The following SDHC variants were observed in gnomAD, a reference collection of about 807,000 sequenced individuals.
SDHC encodes the protein succinate dehydrogenase cytochrome b560 subunit, mitochondrial.
SDHC carries 11 observed loss-of-function variants against 22.6 expected under a neutral mutation model. That is an observed-to-expected ratio of 0.49 (90% confidence interval 0.31 to 0.81). SDHC has a LOEUF of 0.81. Ranked by LOEUF, SDHC falls within the 30% of genes least tolerant of loss-of-function variation. The probability of loss-of-function intolerance (pLI) is 0.05; values close to 1 mark genes in which losing one functional copy is unlikely to be tolerated. For synonymous variants in SDHC, 80 were observed against 77.8 expected, an observed-to-expected ratio of 1.03 and a Z score of -0.15; for missense variants, 160 against 212.0, an observed-to-expected ratio of 0.75 and a Z score of 1.52.
intron 4 of SDHC, among the ~76,000 whole-genome samples, chr1:161,340,865 A>G (rs894438658): frequency 2.0e-5 from 3 of 152,054 alleles, no homozygotes; most frequent in Non-Finnish European, 4.4e-5. Flanking sequence ...TCTTTTTGAG[A>G]CAGAGTCTTG....
At chr1:161,345,399 G>C (rs1220973128) in intron 4 of SDHC, among the ~76,000 whole-genome samples, 1 of 152,042 alleles carries the variant, frequency 6.6e-6, no homozygotes, top group African/African-American at 2.4e-5. Flanking sequence ...TTCCTTCATA[G>C]TTCTTATTGT....
chr1:161,323,622 G>A lies in SDHC; in HGVS notation c.29G>A (p.Gly10Asp). MAALLLRHV[G>D]RHCLRAHFSP... ...ATTCTCTTATCTTGCAGACACGTTGGTCGTCATTGCCTCCGAGCCCACTTT... is the reference window on the plus strand; with the variant it reads ...ATTCTCTTATCTTGCAGACACGTTGATCGTCATTGCCTCCGAGCCCACTTT... Residue 10 changes from glycine (G) to aspartate (D), a missense_variant, in exon 2 of 6, where the codon GGT becomes GAT. Physicochemically the swap from Gly to Asp is moderately conservative, Grantham distance 94 (BLOSUM62 -1). Coordinates refer to ENST00000367975, the MANE Select transcript of SDHC (RefSeq NM_003001.5). 6.2e-7 allele frequency: 1 copy of A among 1,613,478 alleles called. No individual in the cohort carries two copies. Among genetic ancestry groups the A allele is most frequent in the African/African-American group, 1.3e-5 (1 of 75,004 alleles).
rs1056485237 is a variant in SDHC at position 161,336,182 on chromosome 1, G to A, written c.180-4412G>A. On this transcript the variant is annotated intron_variant, in intron 3 of 5. Coordinates refer to ENST00000367975, the MANE Select transcript of SDHC (RefSeq NM_003001.5). ...AAGAGATAAAAGTTTTAGGAGGCCC[G>A]GTGCGGTGGCTCATGCCTGTAATCC... 4.6e-5 allele frequency among the ~76,000 whole-genome samples: 7 copies of A among 152,112 alleles called. No individual in the cohort carries two copies. In the East Asian group the frequency reaches 1.2e-3, roughly 25 times the overall value.
At chr1:161,356,594 A>G in intron 4 of SDHC, 83 bp from the exon 5 acceptor site, 1 of 1,344,330 alleles carries the variant, frequency 7.4e-7, no homozygotes, top group Admixed American at 1.7e-5. Context: ...GAATTGTATG[A>G]GGTGCCAGGG....
intron 1 of SDHC, among the ~76,000 whole-genome samples, chr1:161,316,699 A>C (rs16832811): frequency 0.12 from 17,847 of 152,072 alleles, 1,423 homozygotes; most frequent in African/African-American, 0.22. Flanking sequence ...CTCATAAGGG[A>C]TTTTTTTAGG....
In SDHC at chr1:161,320,898, C is replaced by T. The variant is rs191783011; in HGVS notation, c.21-2716C>T. ...CTGGAGTGCAGTGGCCCAATCCCAG[C>T]TCACTGCAACCTCTGCCTCGCGGGT... On this transcript the variant is annotated intron_variant, in intron 1 of 5. Coordinates refer to ENST00000367975, the MANE Select transcript of SDHC (RefSeq NM_003001.5). 7.6e-5 allele frequency among the ~76,000 whole-genome samples: 11 copies of T among 145,538 alleles called. No individual in the cohort carries two copies. The East Asian group carries it at 2.2e-3, about 29-fold the overall frequency.
chr1:161,346,042 G>T (rs569598723), intron 4 of SDHC, among the ~76,000 whole-genome samples: 3 of 148,130 alleles, frequency 2.0e-5, no homozygotes, highest in Non-Finnish European at 4.5e-5. Context: ...TGACCTCAAG[G>T]AATCTGCCCG....
At chr1:161,335,993 G>A (rs992924069) in intron 3 of SDHC, among the ~76,000 whole-genome samples, 10 of 151,926 alleles carry the variant, frequency 6.6e-5, no homozygotes, top group Non-Finnish European at 1.5e-4. Context: ...CAGTGAGGCT[G>A]GCCATTTTTT....
At chr1:161,331,321 G>A (rs957992888) in intron 3 of SDHC, among the ~76,000 whole-genome samples, 4 of 151,830 alleles carry the variant, frequency 2.6e-5, no homozygotes, top group African/African-American at 4.8e-5. Flanking sequence ...AGGCTGGAGT[G>A]CAGTGGCACG....
rs1222062585 is a variant in SDHC, at chr1:161,320,579, T to C, written c.21-3035T>C. Reference sequence around the variant, plus strand: ...CAAATTTATTTTCAGTGGATGAGTATTTTTGTCACCACTGAGGGTTTTAAA... The same window carrying C: ...CAAATTTATTTTCAGTGGATGAGTACTTTTGTCACCACTGAGGGTTTTAAA... On this transcript the variant is annotated intron_variant, in intron 1 of 5. Transcript: ENST00000367975. Among the ~76,000 whole-genome samples, 3 of 152,122 alleles carry C rather than the reference T, an allele frequency of 2.0e-5. No homozygotes were observed. The South Asian group carries it at 6.2e-4, about 32-fold the overall frequency.
At chr1:161,349,038 G>C (rs1028659151) in intron 4 of SDHC, among the ~76,000 whole-genome samples, 1 of 152,108 alleles carries the variant, frequency 6.6e-6, no homozygotes, top group Non-Finnish European at 1.5e-5. Context: ...TAGGAAGAGA[G>C]AATAAAGATA....
chr1:161,339,616 T>G lies in SDHC; in HGVS notation c.180-978T>G, dbSNP rs1167770437. 3 of 1,085,674 alleles carry G rather than the reference T, an allele frequency of 2.8e-6. No individual in the cohort carries two copies. The African/African-American group carries it at 5.0e-5, about 18-fold the overall frequency. The allele number at this position is 1,085,674 out of a possible 1,614,324, so 67.3% of individuals were successfully genotyped here. ...AGGGATCCTTCTCCATAAATCAGTTTTCTTTATTCTTTAATTTATTTTTGT... is the reference window on the plus strand; with the variant it reads ...AGGGATCCTTCTCCATAAATCAGTTGTCTTTATTCTTTAATTTATTTTTGT... On this transcript the variant is annotated intron_variant, in intron 3 of 5. Transcript: ENST00000367975.
intron 4 of SDHC, among the ~76,000 whole-genome samples, chr1:161,346,402 GCTTTTTTTTTTTT>G (rs1671897653): frequency 6.6e-6 from 1 of 151,414 alleles, no homozygotes; most frequent in Non-Finnish European, 1.5e-5. Context: ...CACTGTGATA[GCTTTTTTTTTTTT>G]CGAGACAGAG....
intron 1 of SDHC, among the ~76,000 whole-genome samples, chr1:161,318,247 T>A (rs1670701368): frequency 6.6e-6 from 1 of 152,186 alleles, no homozygotes; most frequent in Admixed American, 6.5e-5. Flanking sequence ...ACATTTTGTA[T>A]CCTTTGACCA....
chr1:161,344,083 G>A (rs534979070), intron 4 of SDHC, among the ~76,000 whole-genome samples: 6 of 149,750 alleles, frequency 4.0e-5, no homozygotes, highest in African/African-American at 1.2e-4. Context: ...AGGTCAGATC[G>A]AGACCATCCT....
At chr1:161,348,855 A>G (rs1671999127) in intron 4 of SDHC, among the ~76,000 whole-genome samples, 1 of 151,418 alleles carries the variant, frequency 6.6e-6, no homozygotes, top group Non-Finnish European at 1.5e-5. Context: ...AATAAATAAA[A>G]ATACTCAGGA....
intron 2 of SDHC, among the ~76,000 whole-genome samples, chr1:161,328,023 T>G (rs75816837): frequency 2.6e-5 from 4 of 151,902 alleles, no homozygotes; most frequent in East Asian, 1.9e-4. Context: ...TTTTTTTTTT[T>G]TGAGAGAGAA....
At chr1:161,329,792 G>C (rs1156625669) in intron 3 of SDHC, among the ~76,000 whole-genome samples, 1 of 152,160 alleles carries the variant, frequency 6.6e-6, no homozygotes, top group Non-Finnish European at 1.5e-5. Flanking sequence ...TTTTCCAGAG[G>C]CTCCTTGCCT....
Position 161,356,776 on chromosome 1 carries a change from A to G in SDHC, c.341A>G (p.His114Arg). The change falls in exon 5 of 6, where the codon CAC becomes CGC. Residue 114 changes from histidine (H) to arginine (R), a missense_variant. Physicochemically the swap from His to Arg is conservative, Grantham distance 29 (BLOSUM62 0). Transcript: ENST00000367975. The stretch of plus-strand genomic sequence containing the variant: ...CTGTGTCTGGGGCCAGCACTGATCC[A>G]CACAGCTAAGTTTGCACTTGTCTTC... ...KSLCLGPALIHTAKFALVFPL... is the reference protein window; with the variant it reads ...KSLCLGPALIRTAKFALVFPL... The G allele has an allele frequency of 6.2e-7, 1 of 1,614,130 alleles. No individual in the cohort carries two copies. Among genetic ancestry groups the G allele is most frequent in the South Asian group, 1.1e-5 (1 of 91,084 alleles).
Sources: gnomAD v4.1 joint callset for allele counts (sites outside exome capture counted in the v4.1 genomes callset) on GRCh38, gnomAD v4.1.1 for gene constraint, MANE v1.5 for transcripts, NCBI Gene and HGNC (gene_info 2026-07-23, HGNC 2026-07-21) for gene names.